The following PTPRT variants were observed in gnomAD, a reference collection of about 807,000 sequenced individuals.
PTPRT encodes receptor-type tyrosine-protein phosphatase T.
A neutral mutation model predicts 176.8 loss-of-function variants in PTPRT; 56 were observed. The ratio of observed to expected loss-of-function variants is 0.32; its 90% CI spans 0.26 to 0.40. The LOEUF is 0.40. Ranked by LOEUF, PTPRT falls within the 10% of genes least tolerant of loss-of-function variation. The pLI, the probability that PTPRT is intolerant of heterozygous loss-of-function variation, is 1.00. For synonymous variants in PTPRT, 783 were observed against 739.0 expected (o/e 1.06, Z -0.96); for missense variants, 1,540 against 1,908.2 (o/e 0.81, Z 3.60).
At chr20:42,999,615 T>TTTTTTTGTTG (rs1555815037) in intron 1 of PTPRT, among the ~76,000 whole-genome samples, 11 of 150,444 alleles carry the variant, frequency 7.3e-5, no homozygotes, top group African/African-American at 2.7e-4. Context: ...TGGTTTTTTT[T>TTTTTTTGTTG]TTGTTGTTGT....
At chr20:42,400,764 T>C (rs944727741) in intron 9 of PTPRT, among the ~76,000 whole-genome samples, 2 of 152,244 alleles carry the variant, frequency 1.3e-5, no homozygotes, top group Admixed American at 6.5e-5. Flanking sequence ...CTTTAGAGAA[T>C]GGAGTTATGG....
At chr20:42,702,003 G>A (rs1039245088) in intron 6 of PTPRT, among the ~76,000 whole-genome samples, 11 of 152,068 alleles carry the variant, frequency 7.2e-5, no homozygotes, top group Non-Finnish European at 1.6e-4. Flanking sequence ...GCGTCACCGA[G>A]GTTAACCCTT....
At chr20:42,194,876 G>C (rs1399752019) in intron 16 of PTPRT, among the ~76,000 whole-genome samples, 2 of 152,148 alleles carry the variant, frequency 1.3e-5, no homozygotes. Flanking sequence ...TGATTGAATA[G>C]ATGTCACAGA....
intron 2 of PTPRT, among the ~76,000 whole-genome samples, chr20:42,804,175 C>G (rs2077571146): frequency 6.6e-6 from 1 of 152,122 alleles, no homozygotes; most frequent in African/African-American, 2.4e-5. Flanking sequence ...CATCCTGAAC[C>G]CACTCTTCCC....
At chr20:42,447,285 A>C (rs2145849857) in intron 9 of PTPRT, among the ~76,000 whole-genome samples, 1 of 152,228 alleles carries the variant, frequency 6.6e-6, no homozygotes, top group African/African-American at 2.4e-5. Flanking sequence ...AGAAACCCTG[A>C]AGAAGTGATT....
intron 11 of PTPRT, among the ~76,000 whole-genome samples, chr20:42,321,604 G>A (rs2145401303): frequency 6.6e-6 from 1 of 152,178 alleles, no homozygotes; most frequent in Non-Finnish European, 1.5e-5. Flanking sequence ...CACATCTCCT[G>A]ATTTATTTCT....
chr20:42,463,459 G>C (rs188424575), intron 8 of PTPRT, among the ~76,000 whole-genome samples: 207 of 152,170 alleles, frequency 1.4e-3, no homozygotes, highest in Middle Eastern at 3.4e-3. Flanking sequence ...TCTTGTCAGT[G>C]GGTTCATGTA....
intron 16 of PTPRT, among the ~76,000 whole-genome samples, chr20:42,165,590 T>C (rs1989790604): frequency 6.6e-6 from 1 of 152,252 alleles, no homozygotes; most frequent in Non-Finnish European, 1.5e-5. Flanking sequence ...TCCACAACAA[T>C]GGAAGTGTTC....
chr20:42,624,315 A>T (rs1324905487), intron 7 of PTPRT, among the ~76,000 whole-genome samples: 1 of 152,228 alleles, frequency 6.6e-6, no homozygotes, highest in Non-Finnish European at 1.5e-5. Flanking sequence ...GTGATTCAAC[A>T]TATAGTAATC....
chr20:42,620,195 C>A (rs1427619105), intron 7 of PTPRT, among the ~76,000 whole-genome samples: 1 of 148,174 alleles, frequency 6.7e-6, no homozygotes, highest in Non-Finnish European at 1.5e-5. Context: ...TTGGAATACC[C>A]TGCCTTGTGA....
At chr20:42,700,130 C>T (rs78249060) in intron 6 of PTPRT, among the ~76,000 whole-genome samples, 2,703 of 152,244 alleles carry the variant, frequency 0.018, 91 homozygotes, top group African/African-American at 0.061. Flanking sequence ...ACATAGCACT[C>T]GACCATCTCT....
At chr20:42,706,150 T>A (rs2076051731) in intron 6 of PTPRT, among the ~76,000 whole-genome samples, 1 of 133,222 alleles carries the variant, frequency 7.5e-6, no homozygotes, top group South Asian at 2.3e-4. Flanking sequence ...TCTCTCTTTG[T>A]CTCTCTTTAT....
In PTPRT at chr20:43,189,838, C is replaced by G. The variant is rs1388948644; in HGVS notation, c.-105G>C. 1 of 495,156 alleles carries G rather than the reference C, an allele frequency of 2.0e-6. No homozygotes were observed. The highest frequency in any genetic ancestry group is 2.6e-6 in the Non-Finnish European group (1 of 383,246). The allele number at this position is 495,156 out of a possible 1,614,324, so 30.7% of individuals were successfully genotyped here. The stretch of plus-strand genomic sequence containing the variant: ...CGCCGGCGCGGCCGCTGGCTGTGCG[C>G]GCGGCTGGCTCCGCTCGGGCTCCCG... On this transcript the variant is annotated 5_prime_UTR_variant, in exon 1 of 31. Coordinates refer to ENST00000373187, the MANE Select transcript of PTPRT (RefSeq NM_007050.6). The surrounding 1 kb of genome is among the most constrained non-coding windows in gnomAD (Gnocchi z 5.0).
chr20:42,772,507 C>G (rs2077077538), intron 4 of PTPRT, among the ~76,000 whole-genome samples: 1 of 152,174 alleles, frequency 6.6e-6, no homozygotes, highest in Non-Finnish European at 1.5e-5. Context: ...ATTGGGTAAC[C>G]TGGTTTCATC....
chr20:42,192,155 T>A (rs1456865516), intron 16 of PTPRT, among the ~76,000 whole-genome samples: 1 of 152,018 alleles, frequency 6.6e-6, no homozygotes. Flanking sequence ...CCCAAGCAAA[T>A]GTAGCAATCC....
intron 13 of PTPRT, among the ~76,000 whole-genome samples, chr20:42,260,892 G>T (rs1214720148): frequency 2.0e-5 from 3 of 152,154 alleles, no homozygotes; most frequent in Non-Finnish European, 1.5e-5. Flanking sequence ...GACCTCACTG[G>T]GGAGATGGGG....
At chr20:43,105,500 G>A (rs985742763) in intron 1 of PTPRT, among the ~76,000 whole-genome samples, 6 of 151,954 alleles carry the variant, frequency 3.9e-5, no homozygotes, top group Non-Finnish European at 7.4e-5. Flanking sequence ...TCCTGGGTTC[G>A]AGTGTTTCTC....
chr20:42,424,463 C>T (rs987401406), intron 9 of PTPRT, among the ~76,000 whole-genome samples: 1 of 152,178 alleles, frequency 6.6e-6, no homozygotes, highest in Non-Finnish European at 1.5e-5. Flanking sequence ...ACCTGCCTCC[C>T]ACTCTCAAAC....
At chr20:42,963,041 T>C (rs1982087822) in intron 1 of PTPRT, among the ~76,000 whole-genome samples, 1 of 151,596 alleles carries the variant, frequency 6.6e-6, no homozygotes, top group Non-Finnish European at 1.5e-5. Flanking sequence ...TATTAAAAAA[T>C]ACAAAAAAAT....
Sources: allele counts gnomAD v4.1 joint callset (sites outside exome capture counted in the v4.1 genomes callset), GRCh38; gene constraint gnomAD v4.1.1; non-coding constraint Gnocchi (gnomAD v3.1); transcripts MANE v1.5; gene names NCBI Gene and HGNC (gene_info 2026-07-23, HGNC 2026-07-21).